Variants in TECTB observed in about 807,000 individuals in gnomAD.
TECTB encodes tectorin beta.
A neutral mutation model predicts 43.3 loss-of-function variants in TECTB; 45 were observed. The ratio of observed to expected loss-of-function variants is 1.04; its 90% CI spans 0.82 to 1.33. TECTB has a LOEUF of 1.33. Among genes scored for constraint, TECTB ranks in the 40% most tolerant of loss-of-function variants. The pLI, the probability that TECTB is intolerant of heterozygous loss-of-function variation, is 0.00. For missense variants in TECTB, 399 were observed against 404.7 expected (o/e 0.99, Z 0.12); for synonymous variants, 169 against 156.7 (o/e 1.08, Z -0.59).
chr10:112,292,607 C>G (rs1848508450), intron 5 of TECTB, among the ~76,000 whole-genome samples: 2 of 152,124 alleles, frequency 1.3e-5, no homozygotes, highest in African/African-American at 4.8e-5. Flanking sequence ...CCACACCCAG[C>G]TAATTTTTGT....
chr10:112,299,408 T>C, intron 8 of TECTB, 84 bp from the exon 9 acceptor site: 1 of 1,356,612 alleles, frequency 7.4e-7, no homozygotes, highest in Non-Finnish European at 1.0e-6. Context: ...TTTTAAAATA[T>C]CTTTTCTTTC....
At chr10:112,283,958 A>G in intron 2 of TECTB, 148 bp downstream of exon 2, 2 of 803,372 alleles carry the variant, frequency 2.5e-6, no homozygotes, top group Non-Finnish European at 3.8e-6. Context: ...TCCAATACCA[A>G]TCAGACTTTT....
rs1673676126 is a variant in TECTB at position 112,304,780 on chromosome 10, C to G, written c.*1468C>G. ...TGACTCAATTTGGTCTAGACTTGGT[C>G]TCTAAGCTGGAGTTCCAACGAGTTT... is the stretch of plus-strand genomic sequence containing the variant. On this transcript the variant is annotated 3_prime_UTR_variant, in exon 11 of 11. Coordinates refer to ENST00000646139, the MANE Select transcript of TECTB (RefSeq NM_058222.3). The G allele has an allele frequency of 7.1e-6, 1 of 141,158 alleles. No homozygotes were observed. The highest frequency in any genetic ancestry group is 1.5e-5 in the Non-Finnish European group (1 of 68,004). 8.7% of individuals were successfully genotyped at this position (141,158 alleles called of 1,614,324 possible).
rs1357552394 is a variant in TECTB at position 112,299,564 on chromosome 10, AGTAAGC to A, written c.907+3_907+8del. The A allele has an allele frequency of 1.3e-6, 2 of 1,573,794 alleles. No homozygotes were observed. Among genetic ancestry groups the A allele is most frequent in the Non-Finnish European group, 1.7e-6 (2 of 1,165,226 alleles). ...CCTGGTCGTGGAGCTCTCCCTGCGG[AGTAAGC>A]GTCTCTGTTTTCCTCTGTTTTCCAA... On this transcript the variant is annotated splice_donor_variant and splice_donor_5th_base_variant and intron_variant, in intron 9 of 10. Transcript: ENST00000646139. LOFTEE classifies it high-confidence loss of function.
intron 5 of TECTB, among the ~76,000 whole-genome samples, chr10:112,286,922 C>CA (rs1408780090): frequency 1.3e-5 from 2 of 151,824 alleles, no homozygotes; most frequent in Non-Finnish European, 1.5e-5. Context: ...AACTCCATCT[C>CA]AAAAAACAAA....
intron 8 of TECTB, among the ~76,000 whole-genome samples, chr10:112,298,636 CA>C (rs1228779770): frequency 6.6e-6 from 1 of 152,188 alleles, no homozygotes; most frequent in Non-Finnish European, 1.5e-5. Flanking sequence ...GGAAATAACT[CA>C]AAAGGTGGGT....
At chr10:112,286,459 C>T in intron 5 of TECTB, 68 bp downstream of exon 5, 3 of 1,503,564 alleles carry the variant, frequency 2.0e-6, no homozygotes, top group South Asian at 2.5e-5. Context: ...TGGGATGCTT[C>T]CTCGGGATTC....
At chr10:112,292,135 CAA>C (rs1218997579) in intron 5 of TECTB, among the ~76,000 whole-genome samples, 22 of 109,834 alleles carry the variant, frequency 2.0e-4, no homozygotes, top group East Asian at 2.5e-4. Flanking sequence ...GACTCCATCT[CAA>C]AAAAAAAAAA....
intron 7 of TECTB, among the ~76,000 whole-genome samples, chr10:112,296,606 T>C (rs1256653786): frequency 6.6e-6 from 1 of 152,160 alleles, no homozygotes; most frequent in Non-Finnish European, 1.5e-5. Flanking sequence ...ACTTGGAAAA[T>C]GCCACAGTTT....
In TECTB at chr10:112,298,205, GAC is replaced by G. The variant is rs1564709809; in HGVS notation, c.810_811del (p.Asp270GlufsTer2). 6.2e-7 allele frequency: 1 copy of G among 1,614,060 alleles called. No individual in the cohort carries two copies. Among genetic ancestry groups the G allele is most frequent in the South Asian group, 1.1e-5 (1 of 91,040 alleles). Reference sequence around the variant, plus strand: ...GTTACACTGTGAGACGTTCATCTGCGACAGTGAGAAACTCTCCTGCCCAGTGG... The same window carrying G: ...GTTACACTGTGAGACGTTCATCTGCGAGTGAGAAACTCTCCTGCCCAGTGG... ...VWLHCETFIC[D>X]SEKLSCPVTC... On this transcript the variant is annotated frameshift_variant, in exon 8 of 11. Transcript: ENST00000646139. LOFTEE classifies it high-confidence loss of function.
chr10:112,294,103 G>A (rs1848525032), intron 7 of TECTB, 42 bp downstream of exon 7: 6 of 1,570,708 alleles, frequency 3.8e-6, no homozygotes, highest in Non-Finnish European at 5.3e-6. Flanking sequence ...AGTGGAACCA[G>A]GCATTTATCG....
rs989757192 is a variant in TECTB at position 112,293,992 on chromosome 10, T to C, written c.602T>C (p.Leu201Ser). 3.7e-6 allele frequency: 6 copies of C among 1,614,218 alleles called. No homozygotes were observed. Among genetic ancestry groups the C allele is most frequent in the Non-Finnish European group, 5.1e-6 (6 of 1,180,028 alleles). The stretch of plus-strand genomic sequence containing the variant: ...TTTATTTCCAGGTTTAAAGTGGTCT[T>C]GAACAGCTGTTGGGCCACCCCCTCG... ...KGLSIRFKVV[L>S]NSCWATPSAD... Residue 201 changes from leucine (L) to serine (S), a missense_variant, in exon 7 of 11, where the codon TTG becomes TCG. Physicochemically the swap from Leu to Ser is moderately radical, Grantham distance 145 (BLOSUM62 -2). Transcript: ENST00000646139.
chr10:112,288,112 C>A (rs1225754036), intron 5 of TECTB, among the ~76,000 whole-genome samples: 2 of 152,142 alleles, frequency 1.3e-5, no homozygotes, highest in Admixed American at 6.5e-5. Flanking sequence ...TCAGGGGACT[C>A]CCTGATGACA....
chr10:112,296,597 C>G (rs576654453), intron 7 of TECTB, among the ~76,000 whole-genome samples: 46 of 152,316 alleles, frequency 3.0e-4, no homozygotes, highest in Middle Eastern at 6.8e-3. Context: ...TGTTTCACAA[C>G]TTGGAAAATG....
rs776475598 is a variant in TECTB, at chr10:112,303,277, C to A, written c.955C>A (p.Leu319Ile). ...LYSFSDVLHH[L>I]IMMLGICAVL is the part of the protein sequence containing the mutation. ...CTGGTCCACAGATGTTCTCCACCAC[C>A]TCATCATGATGTTGGGGATTTGTGC... is the stretch of plus-strand genomic sequence containing the variant. The change falls in exon 11 of 11, where the codon CTC becomes ATC. Residue 319 changes from leucine to isoleucine, a missense_variant. Physicochemically the swap from Leu to Ile is conservative, Grantham distance 5. Transcript: ENST00000646139. 6.2e-7 allele frequency: 1 copy of A among 1,614,166 alleles called. No homozygotes were observed. The highest frequency in any genetic ancestry group is 8.5e-7 in the Non-Finnish European group (1 of 1,180,026).
chr10:112,295,782 C>T (rs1848541323), intron 7 of TECTB, among the ~76,000 whole-genome samples: 1 of 152,244 alleles, frequency 6.6e-6, no homozygotes, highest in Non-Finnish European at 1.5e-5. Context: ...CCCCTGGAAT[C>T]ATCTCTCTGC....
intron 7 of TECTB, among the ~76,000 whole-genome samples, chr10:112,297,420 G>A (rs1848557843): frequency 6.8e-6 from 1 of 146,246 alleles, no homozygotes; most frequent in South Asian, 2.3e-4. Flanking sequence ...AGAGAATTTG[G>A]AAGAATACAT....
intron 8 of TECTB, 96 bp from the exon 9 acceptor site, chr10:112,299,396 C>A: frequency 1.6e-6 from 2 of 1,266,124 alleles, no homozygotes; most frequent in South Asian, 2.5e-5. Context: ...CATTTGTGAC[C>A]TTTTTAAAAT....
Position 112,303,270 on chromosome 10 carries a change from C to A in TECTB, c.948C>A (p.Leu316=). 1 of 1,614,162 alleles carries A rather than the reference C, an allele frequency of 6.2e-7. No homozygotes were observed. The highest frequency in any genetic ancestry group is 8.5e-7 in the Non-Finnish European group (1 of 1,180,030). ...FSSLYSFSDV[L]HHLIMMLGIC... Reference sequence around the variant, plus strand: ...TCCCCTTCTGGTCCACAGATGTTCTCCACCACCTCATCATGATGTTGGGGA... The same window carrying A: ...TCCCCTTCTGGTCCACAGATGTTCTACACCACCTCATCATGATGTTGGGGA... Residue 316 remains leucine, a synonymous_variant, in exon 11 of 11, where the codon CTC becomes CTA. Transcript: ENST00000646139.
Sources: gnomAD v4.1 joint callset for allele counts (sites outside exome capture counted in the v4.1 genomes callset) on GRCh38, gnomAD v4.1.1 for gene constraint, MANE v1.5 for transcripts, NCBI Gene and HGNC (gene_info 2026-07-23, HGNC 2026-07-21) for gene names.